The following DOCK11 variants were observed in gnomAD, a reference collection of about 807,000 sequenced individuals.
DOCK11 encodes the protein dedicator of cytokinesis protein 11.
In DOCK11, 70 loss-of-function variants were observed where a neutral mutation model predicts 169.1. The observed-to-expected ratio is 0.41, with a 90% CI of 0.34 to 0.51. DOCK11 has a LOEUF of 0.51. DOCK11 is among the 20% of genes least tolerant of loss of function. DOCK11 has a pLI of 0.10. For missense variants in DOCK11, 1,166 were observed against 1,538.8 expected, an observed-to-expected ratio of 0.76 and a Z score of 4.05; for synonymous variants, 529 against 541.3, an observed-to-expected ratio of 0.98 and a Z score of 0.32.
chrX:118,562,352 C>T (rs2012940015), intron 7 of DOCK11, among the ~76,000 whole-genome samples: 1 of 111,153 alleles, frequency 9.0e-6, no homozygotes, highest in African/African-American at 3.3e-5. Context: ...CTCTTAACCT[C>T]TTACCTCCTA....
intron 14 of DOCK11, 39 bp from the exon 15 acceptor site, chrX:118,584,696 A>ATT: frequency 8.3e-6 from 8 of 965,777 alleles, no homozygotes; most frequent in South Asian, 2.8e-5. Context: ...TCAACATGGA[A>ATT]TTTTTTTTTT....
At chrX:118,584,098 G>A (rs1489186524) in intron 14 of DOCK11, among the ~76,000 whole-genome samples, 1 of 111,506 alleles carries the variant, frequency 9.0e-6, no homozygotes, top group Non-Finnish European at 1.9e-5. Flanking sequence ...TATTTTAAAT[G>A]TCTAGCTTCA....
chrX:118,632,859 G>C (rs1401418631), intron 35 of DOCK11: 1 of 107,772 alleles, frequency 9.3e-6, no homozygotes, highest in Admixed American at 1.0e-4. Flanking sequence ...GTGAGAAAAG[G>C]AATAAGAGTC....
intron 34 of DOCK11, among the ~76,000 whole-genome samples, chrX:118,629,151 G>A (rs774878237): frequency 9.0e-6 from 1 of 111,424 alleles, no homozygotes; most frequent in African/African-American, 3.3e-5. Context: ...TGCTGGTTGG[G>A]TATTGTTACC....
At position 118,683,801 on chromosome X, in the gene DOCK11, A is replaced by G. The variant is rs773946556; in HGVS notation, c.6102+584A>G. On this transcript the variant is annotated intron_variant, in intron 52 of 52. Coordinates refer to ENST00000276202, the MANE Select transcript of DOCK11 (RefSeq NM_144658.4). ...TCCTTTTGAAGCATGGATTTTTCAA[A>G]TCTACTGTCGTATTTCCCACTTGTC... is the stretch of plus-strand genomic sequence containing the variant. 9.8e-5 allele frequency among the ~76,000 whole-genome samples: 11 copies of G among 112,381 alleles called. 1 individual carries two copies. In the South Asian group the frequency reaches 3.3e-3, roughly 33 times the overall value.
At chrX:118,584,548 CAT>C (rs1481859108) in intron 14 of DOCK11, among the ~76,000 whole-genome samples, 185 bp from the exon 15 acceptor site, 1 of 111,931 alleles carries the variant, frequency 8.9e-6, no homozygotes, top group Non-Finnish European at 1.9e-5. Context: ...ATTCATGTAC[CAT>C]GTGGAAATAT....
chrX:118,579,636 T>C (rs1273093171), intron 13 of DOCK11, among the ~76,000 whole-genome samples: 1 of 112,124 alleles, frequency 8.9e-6, no homozygotes, highest in Non-Finnish European at 1.9e-5. Context: ...GTCATCTCCC[T>C]GTGCCTGTGC....
At chrX:118,500,111 G>C (rs1399270848) in intron 1 of DOCK11, among the ~76,000 whole-genome samples, 16 of 107,943 alleles carry the variant, frequency 1.5e-4, no homozygotes, top group African/African-American at 1.7e-4. Flanking sequence ...TGCGGTGGCG[G>C]GATCTCGGCT....
At chrX:118,534,795 G>C (rs984253300) in intron 1 of DOCK11, among the ~76,000 whole-genome samples, 1 of 111,967 alleles carries the variant, frequency 8.9e-6, no homozygotes, top group African/African-American at 3.2e-5. Context: ...GTAGTTCTCA[G>C]GGCTCTCTGC....
chrX:118,666,608 C>T (rs1235046564), intron 45 of DOCK11, among the ~76,000 whole-genome samples: 5 of 111,926 alleles, frequency 4.5e-5, no homozygotes, highest in Non-Finnish European at 9.4e-5. Flanking sequence ...AATTTTAAAT[C>T]CATTCAGTTG....
At chrX:118,670,119 A>G (rs1257233727) in intron 45 of DOCK11, among the ~76,000 whole-genome samples, 2 of 112,054 alleles carry the variant, frequency 1.8e-5, no homozygotes, top group African/African-American at 6.5e-5. Flanking sequence ...CCCATAACAG[A>G]CAATAAAGTC....
intron 39 of DOCK11, among the ~76,000 whole-genome samples, chrX:118,642,140 T>C (rs1386272759): frequency 8.9e-6 from 1 of 111,994 alleles, no homozygotes. Context: ...GCAACACAAC[T>C]CCATGTTTCA....
At chrX:118,516,482 C>T (rs1234146755) in intron 1 of DOCK11, among the ~76,000 whole-genome samples, 1 of 103,426 alleles carries the variant, frequency 9.7e-6, no homozygotes, top group Non-Finnish European at 2.0e-5. Context: ...CGCTCTGTTG[C>T]CCAGGCTGGA....
intron 1 of DOCK11, among the ~76,000 whole-genome samples, chrX:118,521,149 GA>G (rs1170571988): frequency 1.8e-5 from 2 of 112,318 alleles, no homozygotes; most frequent in African/African-American, 6.5e-5. Context: ...GAAAGCAATA[GA>G]AGTTTTGGTC....
At chrX:118,641,550 A>G (rs2015533909) in intron 39 of DOCK11, among the ~76,000 whole-genome samples, 1 of 111,421 alleles carries the variant, frequency 9.0e-6, no homozygotes, top group Non-Finnish European at 1.9e-5. Flanking sequence ...AAATTCTATT[A>G]GATTTTCGTA....
rs1177988134 is a variant in DOCK11 at position 118,610,286 on chromosome X, G to A, written c.2964G>A (p.Gln988=). 1.7e-6 allele frequency: 2 copies of A among 1,211,358 alleles called. No individual in the cohort carries two copies. Residue 988 remains glutamine (Q), a synonymous_variant, in exon 28 of 53, where the codon CAG becomes CAA. Transcript: ENST00000276202. Reference sequence around the variant, plus strand: ...TTTCATTTCAGCTTCCCCGAGGCCAGAGATTTCCCGAGACATATCATCATG... The same window carrying A: ...TTTCATTTCAGCTTCCCCGAGGCCAAAGATTTCCCGAGACATATCATCATG... The part of the protein sequence containing the change: ...EENKIKLPRG[Q]RFPETYHHVL...
intron 1 of DOCK11, among the ~76,000 whole-genome samples, chrX:118,526,398 A>G (rs1374080615): frequency 8.9e-6 from 1 of 112,305 alleles, no homozygotes; most frequent in African/African-American, 3.2e-5. Context: ...GGGCCCTTCA[A>G]AAGGAACTCT....
chrX:118,628,051 C>A, intron 33 of DOCK11, 112 bp from the exon 34 acceptor site: 1 of 443,736 alleles, frequency 2.3e-6, no homozygotes, highest in Non-Finnish European at 3.9e-6. Context: ...TTTAGATGTC[C>A]AAGATCTATT....
At chrX:118,668,721 A>C (rs1195624426) in intron 45 of DOCK11, among the ~76,000 whole-genome samples, 1 of 111,670 alleles carries the variant, frequency 9.0e-6, no homozygotes, top group African/African-American at 3.3e-5. Flanking sequence ...AATCTTTGCC[A>C]AAAAAGTAGT....
Sources: gnomAD v4.1 joint callset for allele counts (sites outside exome capture counted in the v4.1 genomes callset) on GRCh38, gnomAD v4.1.1 for gene constraint, MANE v1.5 for transcripts, NCBI Gene and HGNC (gene_info 2026-07-23, HGNC 2026-07-21) for gene names.